Variants in ZNF264 observed in about 807,000 individuals in gnomAD.
ZNF264 encodes the protein zinc finger protein 264.
ZNF264 carries 11 observed loss-of-function variants against 11.2 expected under a neutral mutation model. The observed-to-expected ratio is 0.98, with a 90% CI of 0.62 to 1.63. The LOEUF is 1.63. Among genes scored for constraint, ZNF264 ranks in the 40% most tolerant of loss-of-function variants. The pLI, the probability that ZNF264 is intolerant of heterozygous loss-of-function variation, is 0.00. For synonymous variants in ZNF264, 309 were observed against 279.8 expected (o/e 1.10, Z -1.04); for missense variants, 752 against 768.1 (o/e 0.98, Z 0.25).
chr19:57,199,450 A>G (rs915218540), intron 2 of ZNF264, among the ~76,000 whole-genome samples: 1 of 151,936 alleles, frequency 6.6e-6, no homozygotes, highest in African/African-American at 2.4e-5. Context: ...AGGGAGATCA[A>G]GCATTCCCAG....
At position 57,212,069 on chromosome 19, in the gene ZNF264, T is replaced by C. The variant is rs778767433; in HGVS notation, c.972T>C (p.Phe324=). 8 of 1,614,050 alleles carry C rather than the reference T, an allele frequency of 5.0e-6. No homozygotes were observed. The highest frequency in any genetic ancestry group is 6.8e-6 in the Non-Finnish European group (8 of 1,180,004). ...TGTGCACAGAATGTGGCCAAGTCTT[T>C]CGACATAGGCCAGGCTTTCTCCGGC... ...SFVCTECGQV[F]RHRPGFLRHY... The change falls in exon 4 of 4, where the codon TTT becomes TTC. Residue 324 remains phenylalanine (F), a synonymous_variant. Transcript: ENST00000263095.
At chr19:57,194,028 T>G (rs774481272) in intron 2 of ZNF264, 27 bp downstream of exon 2, 1 of 1,578,442 alleles carries the variant, frequency 6.3e-7, no homozygotes, top group South Asian at 1.2e-5. Flanking sequence ...CCCTCCACCA[T>G]GCAGGTGACC....
Position 57,212,199 on chromosome 19 carries a change from G to A in ZNF264, c.1102G>A (p.Glu368Lys), listed in dbSNP as rs373693955. 1.9e-6 allele frequency: 3 copies of A among 1,614,222 alleles called. No individual in the cohort carries two copies. The highest frequency in any genetic ancestry group is 1.7e-6 in the Non-Finnish European group (2 of 1,180,042). The change falls in exon 4 of 4, where the codon GAG (glutamate) becomes AAG (lysine). Residue 368 changes from glutamate (E) to lysine (K), a missense_variant. Glu to Lys is a moderately conservative substitution (Grantham distance 56). Transcript: ENST00000263095. ...LMWHQQTHTG[E>K]KPYECSECGK... The stretch of plus-strand genomic sequence containing the variant: ...GTGGCACCAGCAGACTCATACCGGG[G>A]AGAAGCCCTATGAGTGCAGTGAATG...
chr19:57,201,009 CTGGATTTCTAA>C (rs1462898615), intron 2 of ZNF264, among the ~76,000 whole-genome samples: 1 of 151,630 alleles, frequency 6.6e-6, no homozygotes, highest in African/African-American at 2.4e-5. Context: ...TATATAAATG[CTGGATTTCTAA>C]TTGGATCAAA....
At position 57,212,079 on chromosome 19, in the gene ZNF264, C is replaced by G; in HGVS notation, c.982C>G (p.Pro328Ala). The G allele has an allele frequency of 6.2e-7, 1 of 1,614,084 alleles. No homozygotes were observed. The highest frequency in any genetic ancestry group is 8.5e-7 in the Non-Finnish European group (1 of 1,180,000). ...ATGTGGCCAAGTCTTTCGACATAGG[C>G]CAGGCTTTCTCCGGCACTATGTTGT... ...TECGQVFRHR[P>A]GFLRHYVVHS... Residue 328 changes from proline (P) to alanine (A), a missense_variant, in exon 4 of 4, where the codon CCA becomes GCA. Pro to Ala is a conservative substitution (Grantham distance 27). Transcript: ENST00000263095.
chr19:57,192,781 G>C (rs922877139), intron 1 of ZNF264, among the ~76,000 whole-genome samples: 2 of 152,074 alleles, frequency 1.3e-5, no homozygotes, highest in Non-Finnish European at 2.9e-5. Context: ...GCCCAGGCTG[G>C]AGTACAGTGG....
At chr19:57,204,212 C>T (rs552294850) in intron 2 of ZNF264, among the ~76,000 whole-genome samples, 12 of 138,178 alleles carry the variant, frequency 8.7e-5, no homozygotes, top group African/African-American at 2.7e-4. Flanking sequence ...AGCGAGACTC[C>T]GTCTCAAAAA....
chr19:57,205,625 A>C (rs549692079), intron 3 of ZNF264, 133 bp downstream of exon 3: 2 of 791,310 alleles, frequency 2.5e-6, no homozygotes, highest in Admixed American at 4.5e-5. Context: ...ACTCTATCAC[A>C]CTAGAATGTT....
intron 2 of ZNF264, chr19:57,194,645 C>G (rs879501270): frequency 1.3e-4 from 50 of 383,508 alleles, no homozygotes; most frequent in Non-Finnish European, 2.1e-4. Flanking sequence ...CTAGTCTTTT[C>G]ATGTATTTCT....
chr19:57,218,852 A>AT lies in ZNF264; in HGVS notation c.*5877dup, dbSNP rs1378565524. ...TTGTACACCTTCTGTTTCTTTGCTT[A>AT]TTTTTTAACGCCAAAGAAAGACTCT... On this transcript the variant is annotated 3_prime_UTR_variant, in exon 4 of 4. Transcript: ENST00000263095. 6.6e-6 allele frequency: 1 copy of AT among 151,796 alleles called. No homozygotes were observed. The highest frequency in any genetic ancestry group is 1.5e-5 in the Non-Finnish European group (1 of 67,954). 9.4% of individuals were successfully genotyped at this position (151,796 alleles called of 1,614,324 possible). A position where few individuals can be genotyped will look rare whatever the true frequency, so the allele number is the denominator to read the frequency against.
At chr19:57,191,991 T>C (rs761568729) in intron 1 of ZNF264, 45 bp downstream of exon 1, 2 of 1,492,176 alleles carry the variant, frequency 1.3e-6, no homozygotes, top group Non-Finnish European at 1.8e-6. Context: ...TTGCCAGCGC[T>C]GAGGCGGTTT....
At chr19:57,206,082 A>G (rs9807896) in intron 3 of ZNF264, among the ~76,000 whole-genome samples, 51,149 of 151,844 alleles carry the variant, frequency 0.34, 8,911 homozygotes, top group Middle Eastern at 0.41. Context: ...TTCCAGAAAT[A>G]CCAACTCCCC....
rs1474179651 is a variant in ZNF264, at chr19:57,220,966, TCA to T, written c.*7988_*7989del. 1 of 152,040 alleles carries T rather than the reference TCA, an allele frequency of 6.6e-6. No individual in the cohort carries two copies. The highest frequency in any genetic ancestry group is 6.6e-5 in the Admixed American group (1 of 15,262). The allele number at this position is 152,040 out of a possible 1,614,324, so 9.4% of individuals were successfully genotyped here. On this transcript the variant is annotated 3_prime_UTR_variant, in exon 4 of 4. Transcript: ENST00000263095. ...GCCTTTATTGCAATTTTTGGTTCCC[TCA>T]CAGAATGTTTACCATGAAGCTGTGC... is the stretch of plus-strand genomic sequence containing the variant.
intron 1 of ZNF264, chr19:57,192,593 G>T: frequency 1.0e-6 from 1 of 984,540 alleles, no homozygotes; most frequent in African/African-American, 1.7e-5. Context: ...ATTTCCTTGG[G>T]GGATCTGGGA....
intron 2 of ZNF264, among the ~76,000 whole-genome samples, chr19:57,201,203 C>T (rs1448004020): frequency 6.6e-6 from 1 of 151,736 alleles, no homozygotes; most frequent in African/African-American, 2.4e-5. Context: ...TTTTCTGCCC[C>T]TTGGGTTTGT....
rs1011625998 is a variant in ZNF264, at chr19:57,221,393, T to G, written c.*8412T>G. On this transcript the variant is annotated 3_prime_UTR_variant, in exon 4 of 4. Transcript: ENST00000263095. ...AGATGTACATGATTTTAGAAATTGT[T>G]ATGAATGACTGTCTTGGGATCCTCA... The G allele has an allele frequency of 6.6e-6, 1 of 152,212 alleles. No individual in the cohort carries two copies. The highest frequency in any genetic ancestry group is 1.5e-5 in the Non-Finnish European group (1 of 68,042). The allele number at this position is 152,212 out of a possible 1,614,324, so 9.4% of individuals were successfully genotyped here.
Position 57,212,894 on chromosome 19 carries a change from T to A in ZNF264, c.1797T>A (p.Thr599=). Residue 599 remains threonine, a synonymous_variant, in exon 4 of 4, where the codon ACT becomes ACA. Transcript: ENST00000263095. Reference sequence around the variant, plus strand: ...GGAAGGACTTTTTGAATGTAACCACTGAGGCAAATATTTTGCCAGAGGAAA... The same window carrying A: ...GGAAGGACTTTTTGAATGTAACCACAGAGGCAAATATTTTGCCAGAGGAAA... ...LLGKDFLNVT[T]EANILPEETS... The A allele has an allele frequency of 6.2e-7, 1 of 1,614,226 alleles. No homozygotes were observed. The highest frequency in any genetic ancestry group is 8.5e-7 in the Non-Finnish European group (1 of 1,180,036).
chr19:57,204,001 A>G (rs1331599222), intron 2 of ZNF264, among the ~76,000 whole-genome samples: 2 of 152,116 alleles, frequency 1.3e-5, no homozygotes, highest in Non-Finnish European at 2.9e-5. Flanking sequence ...CCTGGCTAAC[A>G]CAGTGAAACC....
intron 2 of ZNF264, among the ~76,000 whole-genome samples, chr19:57,198,073 T>C (rs2087225285): frequency 6.6e-6 from 1 of 151,902 alleles, no homozygotes; most frequent in Non-Finnish European, 1.5e-5. Flanking sequence ...ACCGTGAAGG[T>C]ATATTGCTGG....
Sources: allele counts gnomAD v4.1 joint callset (sites outside exome capture counted in the v4.1 genomes callset), GRCh38; gene constraint gnomAD v4.1.1; transcripts MANE v1.5; gene names NCBI Gene and HGNC (gene_info 2026-07-23, HGNC 2026-07-21).